The following CDH13 variants were observed in gnomAD, a reference collection of about 807,000 sequenced individuals.
CDH13 encodes the protein cadherin 13, also known as cadherin-13.
CDH13 carries 24 observed loss-of-function variants against 63.8 expected under a neutral mutation model. The ratio of observed to expected loss-of-function variants is 0.38; its 90% CI spans 0.27 to 0.53. The LOEUF (loss-of-function observed/expected upper bound fraction) is 0.53, where lower values mean the gene tolerates loss of function less well. Among genes scored for constraint, CDH13 ranks in the 20% least tolerant of loss-of-function variants. The pLI, the probability that CDH13 is intolerant of heterozygous loss-of-function variation, is 0.85. For missense variants in CDH13, 1,049 were observed against 903.1 expected (o/e 1.16, Z -2.07); for synonymous variants, 503 against 355.3 (o/e 1.42, Z -4.67).
chr16:82,951,502 G>C (rs1168151600), intron 2 of CDH13, among the ~76,000 whole-genome samples: 1 of 152,154 alleles, frequency 6.6e-6, no homozygotes, highest in Non-Finnish European at 1.5e-5. Context: ...CGTTGGGTAC[G>C]CTGGCTTCAT....
chr16:83,205,690 C>T (rs28634608), intron 4 of CDH13, among the ~76,000 whole-genome samples: 142,504 of 150,274 alleles, frequency 0.95, 67,830 homozygotes, highest in Non-Finnish European at 0.99. Context: ...CTGCAACCTC[C>T]ACCTCCTGAT....
intron 5 of CDH13, among the ~76,000 whole-genome samples, chr16:83,258,092 A>G (rs17756292): frequency 0.086 from 13,037 of 152,282 alleles, 633 homozygotes; most frequent in Non-Finnish European, 0.1. Context: ...CTGAGTCTTT[A>G]TAAGCAAGTA....
intron 1 of CDH13, among the ~76,000 whole-genome samples, chr16:82,676,298 TC>T (rs1453169759): frequency 1.3e-5 from 2 of 152,094 alleles, no homozygotes; most frequent in African/African-American, 4.8e-5. Flanking sequence ...TGTGTGATCT[TC>T]CCTCCTAAAC....
At chr16:83,565,207 C>G (rs1017631739) in intron 7 of CDH13, among the ~76,000 whole-genome samples, 5 of 152,078 alleles carry the variant, frequency 3.3e-5, no homozygotes, top group Admixed American at 6.5e-5. Context: ...CCAAGGCTTA[C>G]TTCTCGGTTT....
chr16:82,915,624 G>T (rs1359057601), intron 2 of CDH13, among the ~76,000 whole-genome samples: 1 of 151,898 alleles, frequency 6.6e-6, no homozygotes, highest in Non-Finnish European at 1.5e-5. Flanking sequence ...TCCCAAACTG[G>T]ATGGCATGTC....
At chr16:83,214,281 A>T (rs1334406903) in intron 4 of CDH13, among the ~76,000 whole-genome samples, 1 of 151,976 alleles carries the variant, frequency 6.6e-6, no homozygotes, top group Non-Finnish European at 1.5e-5. Flanking sequence ...GAATTTTGTT[A>T]TTAAAAAGGA....
intron 5 of CDH13, among the ~76,000 whole-genome samples, chr16:83,323,293 A>T (rs1244790984): frequency 2.5e-3 from 153 of 60,762 alleles, no homozygotes; most frequent in South Asian, 4.2e-3. Flanking sequence ...TTTTTTTTTT[A>T]AGAGGGAGTT....
At chr16:83,279,134 C>T (rs1279680236) in intron 5 of CDH13, among the ~76,000 whole-genome samples, 1 of 150,230 alleles carries the variant, frequency 6.7e-6, no homozygotes, top group African/African-American at 2.5e-5. Context: ...AATATTTAGT[C>T]ACAGGAAATA....
intron 11 of CDH13, among the ~76,000 whole-genome samples, chr16:83,757,348 C>T (rs575323783): frequency 2.1e-4 from 32 of 152,070 alleles, no homozygotes; most frequent in Non-Finnish European, 1.0e-4. Context: ...GAGGCTGAGG[C>T]GGGTGAATCA....
intron 5 of CDH13, among the ~76,000 whole-genome samples, chr16:83,294,151 T>C (rs1177817800): frequency 2.0e-5 from 3 of 152,222 alleles, no homozygotes; most frequent in African/African-American, 7.2e-5. Flanking sequence ...GTGTACGACA[T>C]GATATTTTAA....
chr16:83,108,757 G>A (rs1343593301), intron 3 of CDH13, among the ~76,000 whole-genome samples: 4 of 152,138 alleles, frequency 2.6e-5, no homozygotes, highest in Admixed American at 1.3e-4. Flanking sequence ...GAACACATCA[G>A]GCCAGTCTCT....
At chr16:83,094,341 A>G (rs542486154) in intron 3 of CDH13, among the ~76,000 whole-genome samples, 22 of 152,280 alleles carry the variant, frequency 1.4e-4, no homozygotes, top group Middle Eastern at 6.8e-3. Context: ...TGTTCTCAGG[A>G]GTAACCCACA....
At chr16:83,684,196 A>T (rs1904281137) in intron 10 of CDH13, among the ~76,000 whole-genome samples, 1 of 152,106 alleles carries the variant, frequency 6.6e-6, no homozygotes, top group East Asian at 1.9e-4. Flanking sequence ...ACGAAACGCC[A>T]TCTCTACTAA....
intron 7 of CDH13, among the ~76,000 whole-genome samples, chr16:83,580,002 G>C (rs941021204): frequency 1.3e-5 from 2 of 152,134 alleles, no homozygotes; most frequent in African/African-American, 4.8e-5. Context: ...CAGAAGTAGA[G>C]AGAGCATGGC....
chr16:83,142,163 T>TTTG (rs199615132), intron 4 of CDH13, among the ~76,000 whole-genome samples: 19,120 of 140,170 alleles, frequency 0.14, 1,303 homozygotes, highest in South Asian at 0.2. Flanking sequence ...TGTTTTTGTT[T>TTTG]TTTTTTTTTT....
intron 7 of CDH13, among the ~76,000 whole-genome samples, chr16:83,520,643 C>T (rs914065156): frequency 3.3e-5 from 5 of 152,246 alleles, no homozygotes; most frequent in Non-Finnish European, 7.4e-5. Flanking sequence ...TTATGTTTGC[C>T]GCTCAATTGC....
intron 2 of CDH13, among the ~76,000 whole-genome samples, chr16:82,960,281 T>A (rs1906772233): frequency 6.6e-6 from 1 of 152,174 alleles, no homozygotes; most frequent in African/African-American, 2.4e-5. Context: ...GAATTGTTTG[T>A]GGAAATTGGG....
intron 2 of CDH13, among the ~76,000 whole-genome samples, chr16:82,983,446 G>T (rs1280039155): frequency 6.6e-6 from 1 of 152,176 alleles, no homozygotes; most frequent in Non-Finnish European, 1.5e-5. Context: ...GGGTTGAAGG[G>T]TCAAGACCTG....
At position 83,350,500 on chromosome 16, in the gene CDH13, T is replaced by TA. The variant is rs534962515; in HGVS notation, c.781+5496dup. On this transcript the variant is annotated intron_variant, in intron 6 of 13. Transcript: ENST00000567109. ...GATTAGCAGTTACGTCCTCATTGTC[T>TA]AACTTCTGAAAGCCCAGCCACTTTC... Among the ~76,000 whole-genome samples the TA allele has an allele frequency of 1.5e-4, 23 of 152,308 alleles. No homozygotes were observed. The South Asian group carries it at 4.6e-3, about 30-fold the overall frequency.
Sources: gnomAD v4.1 joint callset for allele counts (sites outside exome capture counted in the v4.1 genomes callset) on GRCh38, gnomAD v4.1.1 for gene constraint, MANE v1.5 for transcripts, NCBI Gene and HGNC (gene_info 2026-07-23, HGNC 2026-07-21) for gene names.